SGCZ: variants seen among roughly 807,000 people sequenced by gnomAD.
SGCZ encodes the protein zeta-sarcoglycan.
A neutral mutation model predicts 41.3 loss-of-function variants in SGCZ; 40 were observed. The ratio of observed to expected loss-of-function variants is 0.97; its 90% CI spans 0.75 to 1.26. The LOEUF is 1.26. Ranked by LOEUF, SGCZ falls within the 50% of genes most tolerant of loss-of-function variation. SGCZ has a pLI of 0.00. For missense variants in SGCZ, 552 were observed against 369.8 expected, an observed-to-expected ratio of 1.49 and a Z score of -4.04; for synonymous variants, 206 against 137.5, an observed-to-expected ratio of 1.50 and a Z score of -3.49.
intron 7 of SGCZ, among the ~76,000 whole-genome samples, chr8:14,091,395 C>G (rs1206916315): frequency 1.3e-5 from 2 of 151,946 alleles, no homozygotes; most frequent in Non-Finnish European, 2.9e-5. Flanking sequence ...AGTTCTAGAT[C>G]CATGAGGAAT....
intron 1 of SGCZ, among the ~76,000 whole-genome samples, chr8:15,187,173 T>C (rs1800374009): frequency 6.6e-6 from 1 of 152,170 alleles, no homozygotes; most frequent in Admixed American, 6.5e-5. Context: ...TTTAAGTAAA[T>C]AAAGCCACTT....
rs549203412 is a variant in SGCZ, at chr8:14,088,389, G to T, written c.*2054C>A. 6.6e-6 allele frequency among the ~76,000 whole-genome samples: 1 copy of T among 151,702 alleles called. No homozygotes were observed. Among genetic ancestry groups the T allele is most frequent in the Admixed American group, 6.6e-5 (1 of 15,194 alleles). On this transcript the variant is annotated 3_prime_UTR_variant, in exon 8 of 8. Coordinates refer to ENST00000382080, the MANE Select transcript of SGCZ (RefSeq NM_139167.4). ...TTAGAAAGTTTCTAATTGTTTTAATGGAAGGATGATTAGAACTTGAATATG... is the reference window on the plus strand; with the variant it reads ...TTAGAAAGTTTCTAATTGTTTTAATTGAAGGATGATTAGAACTTGAATATG...
At chr8:15,034,831 G>A (rs1248784540) in intron 1 of SGCZ, among the ~76,000 whole-genome samples, 2 of 152,134 alleles carry the variant, frequency 1.3e-5, no homozygotes, top group Non-Finnish European at 2.9e-5. Flanking sequence ...GGACAAAACT[G>A]TCAACCAAGA....
intron 4 of SGCZ, among the ~76,000 whole-genome samples, chr8:14,203,447 T>C (rs1462663490): frequency 6.6e-6 from 1 of 152,208 alleles, no homozygotes; most frequent in Non-Finnish European, 1.5e-5. Flanking sequence ...TTCCTTTTGA[T>C]TTTTGTGCCA....
At chr8:14,114,247 T>A (rs1355949909) in intron 5 of SGCZ, among the ~76,000 whole-genome samples, 1 of 152,082 alleles carries the variant, frequency 6.6e-6, no homozygotes, top group Admixed American at 6.6e-5. Flanking sequence ...TTCTATTTTA[T>A]AATTGATAGG....
At chr8:14,275,711 A>G (rs181067237) in intron 3 of SGCZ, among the ~76,000 whole-genome samples, 5 of 152,216 alleles carry the variant, frequency 3.3e-5, no homozygotes, top group Non-Finnish European at 7.4e-5. Context: ...TTCAGTGAAG[A>G]CAACAGCCAA....
chr8:15,233,201 A>T (rs935181745), intron 1 of SGCZ, among the ~76,000 whole-genome samples: 1 of 151,944 alleles, frequency 6.6e-6, no homozygotes, highest in Admixed American at 6.6e-5. Flanking sequence ...CATTTGTTAG[A>T]GAGTACTATT....
rs1465838613 is a variant in SGCZ at position 14,749,790 on chromosome 8, G to T, written c.40-194864C>A. The stretch of plus-strand genomic sequence containing the variant: ...TTTTTACTTTGTTTGCCTAAAGTCT[G>T]TGATCCTGCCTCCACTGGAAGACGG... On this transcript the variant is annotated intron_variant, in intron 1 of 7. Coordinates refer to ENST00000382080, the MANE Select transcript of SGCZ (RefSeq NM_139167.4). Among the ~76,000 whole-genome samples, 4 of 152,076 alleles carry T rather than the reference G, an allele frequency of 2.6e-5. No individual in the cohort carries two copies. The East Asian group carries it at 7.7e-4, about 29-fold the overall frequency.
intron 1 of SGCZ, among the ~76,000 whole-genome samples, chr8:15,153,716 C>A (rs1459872820): frequency 1.3e-5 from 2 of 152,080 alleles, no homozygotes; most frequent in African/African-American, 4.8e-5. Context: ...CTGCCCCTAC[C>A]GTGCCTTCCG....
chr8:14,937,230 TAA>T (rs1423728043), intron 1 of SGCZ, among the ~76,000 whole-genome samples: 2 of 151,608 alleles, frequency 1.3e-5, no homozygotes, highest in Admixed American at 6.6e-5. Context: ...TTATAGGAAT[TAA>T]AGAGATAGTT....
At chr8:15,153,726 G>A (rs551792676) in intron 1 of SGCZ, among the ~76,000 whole-genome samples, 29 of 152,130 alleles carry the variant, frequency 1.9e-4, no homozygotes, top group African/African-American at 4.3e-4. Context: ...CGTGCCTTCC[G>A]CGAGGAAAAG....
intron 3 of SGCZ, among the ~76,000 whole-genome samples, chr8:14,255,006 G>C (rs73519429): frequency 0.19 from 29,547 of 151,980 alleles, 3,046 homozygotes; most frequent in East Asian, 0.27. Flanking sequence ...TCTCCAGTTT[G>C]GCTGCTTTTG....
intron 2 of SGCZ, among the ~76,000 whole-genome samples, chr8:14,426,558 C>T (rs1585494919): frequency 6.6e-6 from 1 of 152,110 alleles, no homozygotes; most frequent in East Asian, 1.9e-4. Context: ...GAGATGAAAG[C>T]GATCATACGC....
chr8:14,416,167 C>G (rs1360628406), intron 2 of SGCZ, among the ~76,000 whole-genome samples: 2 of 151,846 alleles, frequency 1.3e-5, no homozygotes, highest in Non-Finnish European at 1.5e-5. Context: ...TGCACACGCA[C>G]ACACTCACAC....
intron 1 of SGCZ, among the ~76,000 whole-genome samples, chr8:14,791,469 A>G (rs1800950429): frequency 6.6e-6 from 1 of 152,092 alleles, no homozygotes; most frequent in Non-Finnish European, 1.5e-5. Context: ...GAAAAAAAAA[A>G]AATCCTATTT....
At chr8:15,163,411 G>A (rs539716191) in intron 1 of SGCZ, among the ~76,000 whole-genome samples, 15 of 152,306 alleles carry the variant, frequency 9.8e-5, no homozygotes, top group African/African-American at 3.4e-4. Context: ...ATTACGCTAA[G>A]TTGCATTTAT....
chr8:14,309,657 A>G, intron 3 of SGCZ: 1 of 1,610,576 alleles, frequency 6.2e-7, no homozygotes, highest in Non-Finnish European at 8.5e-7. Context: ...CACCACTAAA[A>G]ATAGGTTTGT....
At chr8:14,510,443 GA>G (rs138784898) in intron 2 of SGCZ, among the ~76,000 whole-genome samples, 8,730 of 146,616 alleles carry the variant, frequency 0.06, 336 homozygotes, top group African/African-American at 0.11. Context: ...TTGTCCTGTA[GA>G]AAAAAAAAAC....
intron 1 of SGCZ, among the ~76,000 whole-genome samples, chr8:15,027,484 T>C (rs1272108052): frequency 2.0e-5 from 3 of 152,104 alleles, no homozygotes; most frequent in Non-Finnish European, 2.9e-5. Context: ...CAGGTTATAT[T>C]GAGCTGAATG....
Sources: gnomAD v4.1 joint callset for allele counts (sites outside exome capture counted in the v4.1 genomes callset) on GRCh38, gnomAD v4.1.1 for gene constraint, MANE v1.5 for transcripts, NCBI Gene and HGNC (gene_info 2026-07-23, HGNC 2026-07-21) for gene names.